Variants in MBD5 observed in about 807,000 individuals in gnomAD.
The protein encoded by MBD5 is methyl-CpG binding domain protein 5.
MBD5 carries 13 observed loss-of-function variants against 117.3 expected under a neutral mutation model. That is an observed-to-expected ratio of 0.11 (90% CI 0.07 to 0.18). The LOEUF (loss-of-function observed/expected upper bound fraction) is 0.18, where lower values mean the gene tolerates loss of function less well. Among genes scored for constraint, MBD5 ranks in the 10% least tolerant of loss-of-function variants. The pLI, the probability that MBD5 is intolerant of heterozygous loss-of-function variation, is 1.00. For missense variants in MBD5, 1,879 were observed against 2,093.8 expected (o/e 0.90, Z 2.00); for synonymous variants, 727 against 766.4 (o/e 0.95, Z 0.85).
chr2:148,505,720 AAAGAATTT>A (rs1332347396), intron 12 of MBD5, among the ~76,000 whole-genome samples: 2 of 152,242 alleles, frequency 1.3e-5, no homozygotes, highest in Admixed American at 6.5e-5. Context: ...AATAACGAAG[AAAGAATTT>A]TTAAAATGAC....
chr2:148,391,107 C>G (rs978050593), intron 4 of MBD5, among the ~76,000 whole-genome samples: 5 of 152,182 alleles, frequency 3.3e-5, no homozygotes, highest in Admixed American at 3.3e-4. Context: ...ACTCCCAAGA[C>G]TCTTTAATAA....
chr2:148,479,697 A>G (rs1574472432), intron 8 of MBD5, among the ~76,000 whole-genome samples: 1 of 144,952 alleles, frequency 6.9e-6, no homozygotes, highest in African/African-American at 2.5e-5. Context: ...ATTACCTTCC[A>G]TCTACTTTAT....
At chr2:148,163,339 ACTT>A (rs1698052985) in intron 1 of MBD5, among the ~76,000 whole-genome samples, 1 of 152,192 alleles carries the variant, frequency 6.6e-6, no homozygotes. Context: ...AAAGCACTTT[ACTT>A]CTTCTCTTAG....
intron 1 of MBD5, among the ~76,000 whole-genome samples, chr2:148,157,481 C>T (rs749176150): frequency 6.6e-6 from 1 of 152,106 alleles, no homozygotes; most frequent in Non-Finnish European, 1.5e-5. Flanking sequence ...ACCTTCTAGG[C>T]ACTTCAGAGA....
chr2:148,497,829 T>C (rs1291292552), intron 11 of MBD5, among the ~76,000 whole-genome samples: 2 of 151,916 alleles, frequency 1.3e-5, no homozygotes, highest in East Asian at 3.9e-4. Context: ...TAAAGGTTTG[T>C]CCATGTTTTA....
chr2:148,411,029 G>A (rs1033894321), intron 4 of MBD5, among the ~76,000 whole-genome samples: 4 of 152,016 alleles, frequency 2.6e-5, no homozygotes, highest in Non-Finnish European at 4.4e-5. Context: ...CGCTCAAGTG[G>A]GTCCTGGTGT....
chr2:148,197,794 G>GTT (rs56029734), intron 2 of MBD5, among the ~76,000 whole-genome samples: 18,045 of 102,434 alleles, frequency 0.18, 1,421 homozygotes, highest in African/African-American at 0.24. Context: ...AGCATCTGAG[G>GTT]TTTTTTTTTT....
At chr2:148,479,720 G>GT (rs34758495) in intron 8 of MBD5, among the ~76,000 whole-genome samples, 101,421 of 142,300 alleles carry the variant, frequency 0.71, 39,779 homozygotes, top group South Asian at 0.88. Context: ...TGTCTTTGTT[G>GT]TTTTTTTTTT....
intron 7 of MBD5, among the ~76,000 whole-genome samples, chr2:148,464,688 G>A (rs892624837): frequency 1.3e-5 from 2 of 151,894 alleles, no homozygotes; most frequent in Admixed American, 1.3e-4. Flanking sequence ...ACCAGGTGCA[G>A]TGGCTCATAC....
intron 4 of MBD5, among the ~76,000 whole-genome samples, chr2:148,453,038 A>T (rs1706774979): frequency 6.6e-6 from 1 of 152,230 alleles, no homozygotes; most frequent in African/African-American, 2.4e-5. Context: ...CACCTACTGT[A>T]TGCTAGGGAT....
intron 1 of MBD5, among the ~76,000 whole-genome samples, chr2:148,147,522 G>A (rs1284454864): frequency 6.6e-6 from 1 of 152,158 alleles, no homozygotes; most frequent in African/African-American, 2.4e-5. Flanking sequence ...TTACAGGTGT[G>A]AGTCACCATG....
chr2:148,160,337 G>A (rs1697979043), intron 1 of MBD5, among the ~76,000 whole-genome samples: 1 of 152,140 alleles, frequency 6.6e-6, no homozygotes, highest in Non-Finnish European at 1.5e-5. Context: ...GGTGGAGGTT[G>A]CAGTGAGTGA....
intron 1 of MBD5, among the ~76,000 whole-genome samples, chr2:148,120,173 T>G (rs1281247839): frequency 6.6e-6 from 1 of 152,156 alleles, no homozygotes; most frequent in Non-Finnish European, 1.5e-5. Flanking sequence ...GTCGGCCTCC[T>G]AAAGTGCTGA....
In MBD5 at chr2:148,458,776, G is replaced by A; in HGVS notation, c.18G>A (p.Glu6=). 6.2e-7 allele frequency: 1 copy of A among 1,613,578 alleles called. No homozygotes were observed. The highest frequency in any genetic ancestry group is 8.5e-7 in the Non-Finnish European group (1 of 1,179,616). The change falls in exon 5 of 14, where the codon GAG becomes GAA. Residue 6 remains glutamate, a synonymous_variant. Coordinates refer to ENST00000642680, the MANE Select transcript of MBD5 (RefSeq NM_001378120.1). MNGGK[E]CDGGDKEGGL... Reference sequence around the variant, plus strand: ...CACAGAAAATGAATGGAGGCAAAGAGTGTGACGGAGGGGACAAGGAAGGAG... The same window carrying A: ...CACAGAAAATGAATGGAGGCAAAGAATGTGACGGAGGGGACAAGGAAGGAG...
chr2:148,068,851 T>G (rs1009860971), intron 1 of MBD5, among the ~76,000 whole-genome samples: 4 of 152,182 alleles, frequency 2.6e-5, no homozygotes, highest in Admixed American at 2.6e-4. Context: ...ATAATTTGAT[T>G]CTTTTGTTTA....
chr2:148,377,027 A>G (rs962310504), intron 4 of MBD5, among the ~76,000 whole-genome samples: 2 of 150,336 alleles, frequency 1.3e-5, no homozygotes, highest in Admixed American at 6.7e-5. Context: ...GGATATGTAT[A>G]CAGATATATA....
chr2:148,178,956 TATC>T lies in MBD5; in HGVS notation c.-831+167_-831+169del, dbSNP rs1185926186. Among the ~76,000 whole-genome samples the T allele has an allele frequency of 2.6e-5, 4 of 152,214 alleles. No individual in the cohort carries two copies. The East Asian group carries it at 5.8e-4, about 22-fold the overall frequency. ...TCAGACACAAATTTTTATTCCATAA[TATC>T]ATCTTGACAGAAAGTATCAGATTTC... On this transcript the variant is annotated intron_variant, in intron 2 of 13. Coordinates refer to ENST00000642680, the MANE Select transcript of MBD5 (RefSeq NM_001378120.1).
chr2:148,226,367 G>T (rs1699820958), intron 2 of MBD5, among the ~76,000 whole-genome samples: 1 of 151,834 alleles, frequency 6.6e-6, no homozygotes. Flanking sequence ...GTGGTGTTTG[G>T]TTTTTTGTCC....
At chr2:148,377,495 T>TA (rs1704023797) in intron 4 of MBD5, among the ~76,000 whole-genome samples, 1 of 152,210 alleles carries the variant, frequency 6.6e-6, no homozygotes, top group Non-Finnish European at 1.5e-5. Flanking sequence ...TGAGAACCAG[T>TA]AAGGGACTCC....
Sources: gnomAD v4.1 joint callset for allele counts (sites outside exome capture counted in the v4.1 genomes callset) on GRCh38, gnomAD v4.1.1 for gene constraint, MANE v1.5 for transcripts, NCBI Gene and HGNC (gene_info 2026-07-23, HGNC 2026-07-21) for gene names.